SLC25A25: variants seen among roughly 807,000 people sequenced by gnomAD.
SLC25A25 encodes the protein solute carrier family 25 member 25, also known as mitochondrial adenyl nucleotide antiporter SLC25A25.
Under a neutral mutation model 57.7 loss-of-function variants are expected in SLC25A25, and 32 were observed. The ratio of observed to expected loss-of-function variants is 0.55; its 90% CI spans 0.42 to 0.74. The LOEUF (loss-of-function observed/expected upper bound fraction) is 0.74, where lower values mean the gene tolerates loss of function less well. SLC25A25 is among the 30% of genes least tolerant of loss of function. The probability of loss-of-function intolerance (pLI) is 0.00; values close to 1 mark genes in which losing one functional copy is unlikely to be tolerated. For missense variants in SLC25A25, 556 were observed against 701.3 expected, an observed-to-expected ratio of 0.79 and a Z score of 2.34; for synonymous variants, 306 against 291.2, an observed-to-expected ratio of 1.05 and a Z score of -0.52.
Position 128,103,587 on chromosome 9 carries a change from T to C in SLC25A25, c.625-94T>C, listed in dbSNP as rs1452798419. On this transcript the variant is annotated intron_variant, in intron 5 of 10. Coordinates refer to ENST00000373069, the MANE Select transcript of SLC25A25 (RefSeq NM_001330988.2). The surrounding 1 kb of genome is among the most constrained non-coding windows in gnomAD (Gnocchi z 6.7). ...GGCCTTCTCCCTGTCCTGTGGTCCC[T>C]GGCCTGGAGCCGTGCTAGAGGGTAG... is the stretch of plus-strand genomic sequence containing the variant. 2.6e-6 allele frequency: 4 copies of C among 1,537,122 alleles called. No homozygotes were observed. The highest frequency in any genetic ancestry group is 3.6e-6 in the Non-Finnish European group (4 of 1,117,036).
In SLC25A25 at chr9:128,101,583, G is replaced by A. The variant is rs1027218211; in HGVS notation, c.476+187G>A. Among the ~76,000 whole-genome samples the A allele has an allele frequency of 6.6e-6, 1 of 152,068 alleles. No homozygotes were observed. Among genetic ancestry groups the A allele is most frequent in the Non-Finnish European group, 1.5e-5 (1 of 68,022 alleles). ...GGTTGCAGGCCTGCTTTCATTGGAA[G>A]AATCACAGATCACCTGGAATTTTGC... On this transcript the variant is annotated intron_variant, in intron 3 of 10. Coordinates refer to ENST00000373069, the MANE Select transcript of SLC25A25 (RefSeq NM_001330988.2). This position sits in a 1 kb window ranked among gnomAD's most constrained non-coding sequence, Gnocchi z 4.9.
intron 1 of SLC25A25, among the ~76,000 whole-genome samples, chr9:128,088,049 T>G (rs1214888856): frequency 6.6e-6 from 1 of 152,236 alleles, no homozygotes; most frequent in African/African-American, 2.4e-5. Context: ...TTTTCCTGCT[T>G]CTTTGTAGTT....
chr9:128,106,984 A>G (rs374742174), intron 9 of SLC25A25, 45 bp from the exon 10 acceptor site: 3 of 1,590,084 alleles, frequency 1.9e-6, no homozygotes, highest in African/African-American at 2.7e-5. Context: ...TTGCTGCCTC[A>G]CTAGCCCTTC....
chr9:128,068,405 C>T lies in SLC25A25; in HGVS notation c.86C>T (p.Pro29Leu), dbSNP rs1258880715. 6.4e-7 allele frequency: 1 copy of T among 1,559,160 alleles called. No individual in the cohort carries two copies. The highest frequency in any genetic ancestry group is 8.6e-7 in the Non-Finnish European group (1 of 1,162,110). The part of the protein sequence containing the change: ...ATAASSSASS[P>L]ASVGDPCGGA... ...GCCGCCTCTTCGTCTGCCTCATCGCCGGCGTCCGTGGGGGACCCCTGCGGC... is the reference window on the plus strand; with the variant it reads ...GCCGCCTCTTCGTCTGCCTCATCGCTGGCGTCCGTGGGGGACCCCTGCGGC... The change falls in exon 1 of 11, where the codon CCG becomes CTG. Residue 29 changes from proline to leucine, a missense_variant. Pro to Leu is a moderately conservative substitution (Grantham distance 98). This residue lies in a region of SLC25A25 where 248 missense variants were observed against 273.5 expected (regional missense o/e 0.91). Transcript: ENST00000373069.
rs916928367 is a variant in SLC25A25, at chr9:128,095,767, G to A, written c.262-5329G>A. On this transcript the variant is annotated intron_variant, in intron 1 of 10. Coordinates refer to ENST00000373069, the MANE Select transcript of SLC25A25 (RefSeq NM_001330988.2). This position sits in a 1 kb window ranked among gnomAD's most constrained non-coding sequence, Gnocchi z 4.4. ...GGAGGTTGTAGTGAGCCAAGATCGC[G>A]CCACTGCACTCCAGCCTGGGCGACA... Among the ~76,000 whole-genome samples, 7 of 152,078 alleles carry A rather than the reference G, an allele frequency of 4.6e-5. No individual in the cohort carries two copies. Among genetic ancestry groups the A allele is most frequent in the African/African-American group, 1.4e-4 (6 of 41,402 alleles).
chr9:128,094,578 G>A (rs1037278920), intron 1 of SLC25A25: 17 of 152,208 alleles, frequency 1.1e-4, no homozygotes, highest in Non-Finnish European at 2.1e-4. Flanking sequence ...GGGCTTGAGC[G>A]GCTGGATGCT....
chr9:128,106,073 A>C, intron 7 of SLC25A25, 77 bp from the exon 8 acceptor site: 7 of 1,580,996 alleles, frequency 4.4e-6, no homozygotes, highest in Non-Finnish European at 6.1e-6. Flanking sequence ...TGTGCCGGGG[A>C]CTCCTGGAAG....
chr9:128,105,946 T>C, intron 7 of SLC25A25, 65 bp downstream of exon 7: 3 of 1,584,360 alleles, frequency 1.9e-6, no homozygotes, highest in Middle Eastern at 1.7e-4. Flanking sequence ...ACTTGCTGGC[T>C]TTCCCTGGGC....
rs149298725 is a variant in SLC25A25, at chr9:128,106,619, A to G, written c.1212+99A>G. 330 of 1,390,874 alleles carry G rather than the reference A, an allele frequency of 2.4e-4. 1 individual carries two copies. The Middle Eastern group carries it at 4.7e-3, about 20-fold the overall frequency. 86.2% of individuals were successfully genotyped at this position (1,390,874 alleles called of 1,614,324 possible). A position where few individuals can be genotyped will look rare whatever the true frequency, so the allele number is the denominator to read the frequency against. On this transcript the variant is annotated intron_variant, in intron 9 of 10. Transcript: ENST00000373069. ...ACGCGTGGTTAGTGCAGGAAACTGCATCAAAGACTGCGCCTCCTTCCTGCT... is the reference window on the plus strand; with the variant it reads ...ACGCGTGGTTAGTGCAGGAAACTGCGTCAAAGACTGCGCCTCCTTCCTGCT...
intron 1 of SLC25A25, among the ~76,000 whole-genome samples, chr9:128,082,359 A>G (rs1032549918): frequency 9.9e-5 from 15 of 152,192 alleles, no homozygotes; most frequent in Middle Eastern, 3.4e-3. Context: ...TCATTGTCCA[A>G]TTGTTGCTGA....
At chr9:128,097,356 T>C (rs1359846250) in intron 1 of SLC25A25, among the ~76,000 whole-genome samples, 12 of 152,270 alleles carry the variant, frequency 7.9e-5, no homozygotes, top group Admixed American at 6.5e-4. Flanking sequence ...AAGTTTCCGC[T>C]GTGGCAGAAA....
chr9:128,086,942 C>T (rs1833289227), intron 1 of SLC25A25, among the ~76,000 whole-genome samples: 1 of 152,096 alleles, frequency 6.6e-6, no homozygotes, highest in South Asian at 2.1e-4. Context: ...AGGCTGGGAG[C>T]AGTGGCTCAT....
chr9:128,084,953 C>T (rs1833242970), intron 1 of SLC25A25, among the ~76,000 whole-genome samples: 1 of 152,126 alleles, frequency 6.6e-6, no homozygotes, highest in Non-Finnish European at 1.5e-5. Context: ...ATTCATCCTA[C>T]CCAAGAAAGC....
rs1463716671 is a variant in SLC25A25 at position 128,105,641 on chromosome 9, G to GC, written c.784-87dup. ...GGAAGAAAGGGCCTTCCCTTTGGCC[G>GC]CAGCCGGTTGGCCAGCAGAGGCTCT... is the stretch of plus-strand genomic sequence containing the variant. On this transcript the variant is annotated intron_variant, in intron 6 of 10. Coordinates refer to ENST00000373069, the MANE Select transcript of SLC25A25 (RefSeq NM_001330988.2). 6.3e-6 allele frequency: 10 copies of GC among 1,596,630 alleles called. No homozygotes were observed. In the Admixed American group the frequency reaches 1.7e-4, roughly 27 times the overall value.
rs1241967266 is a variant in SLC25A25 at position 128,098,868 on chromosome 9, T to TGGCC, written c.262-2224_262-2221dup. 2.7e-6 allele frequency: 4 copies of TGGCC among 1,490,246 alleles called. No individual in the cohort carries two copies. In the East Asian group the frequency reaches 7.0e-5, roughly 26 times the overall value. The allele number at this position is 1,490,246 out of a possible 1,614,324, so 92.3% of individuals were successfully genotyped here. A position where few individuals can be genotyped will look rare whatever the true frequency, so the allele number is the denominator to read the frequency against. The stretch of plus-strand genomic sequence containing the variant: ...GTTTTTTCCCATTGCCATGCGGCTA[T>TGGCC]GGCCGGCACGTGTACGTCACAGGAG... On this transcript the variant is annotated intron_variant, in intron 1 of 10. Transcript: ENST00000373069.
Position 128,102,550 on chromosome 9 carries a change from C to A in SLC25A25, c.624+69C>A. On this transcript the variant is annotated intron_variant, in intron 5 of 10. Coordinates refer to ENST00000373069, the MANE Select transcript of SLC25A25 (RefSeq NM_001330988.2). The surrounding 1 kb of genome is among the most constrained non-coding windows in gnomAD (Gnocchi z 4.1). ...CTTAGCCCAGAGTCACCCAGTCGTCCCCATCCCAGAGTGCAGCTGGGGCTT... is the reference window on the plus strand; with the variant it reads ...CTTAGCCCAGAGTCACCCAGTCGTCACCATCCCAGAGTGCAGCTGGGGCTT... 1 of 1,316,206 alleles carries A rather than the reference C, an allele frequency of 7.6e-7. No homozygotes were observed. Among genetic ancestry groups the A allele is most frequent in the Non-Finnish European group, 1.1e-6 (1 of 937,796 alleles). 81.5% of individuals were successfully genotyped at this position (1,316,206 alleles called of 1,614,324 possible). A position where few individuals can be genotyped will look rare whatever the true frequency, so the allele number is the denominator to read the frequency against.
At chr9:128,071,668 C>T (rs1385266249) in intron 1 of SLC25A25, among the ~76,000 whole-genome samples, 2 of 149,996 alleles carry the variant, frequency 1.3e-5, no homozygotes, top group African/African-American at 4.9e-5. Context: ...CGCCTTGGCC[C>T]CCCAAAGCAC....
chr9:128,106,891 G>GCAGCCAGGCTAGGAGCC, intron 9 of SLC25A25, 138 bp from the exon 10 acceptor site: 3 of 1,041,022 alleles, frequency 2.9e-6, no homozygotes, highest in South Asian at 1.5e-5. Context: ...CAGAAACAGG[G>GCAGCCAGGCTAGGAGCC]CAGCCAGGCT....
Position 128,068,357 on chromosome 9 carries a change from C to T in SLC25A25, c.38C>T (p.Pro13Leu), listed in dbSNP as rs767084559. Residue 13 changes from proline (P) to leucine (L), a missense_variant, in exon 1 of 11, where the codon CCG becomes CTG. By Grantham distance (98) the Pro-to-Leu change is moderately conservative (BLOSUM62 -3). This residue lies in a region of SLC25A25 where 248 missense variants were observed against 273.5 expected (regional missense o/e 0.91). Coordinates refer to ENST00000373069, the MANE Select transcript of SLC25A25 (RefSeq NM_001330988.2). Reference sequence around the variant, plus strand: ...GTGTTGTGCCGCTGTGTGGCCTCCCCGCCGCCGGACGCCGCCGCCACCGCC... The same window carrying T: ...GTGTTGTGCCGCTGTGTGGCCTCCCTGCCGCCGGACGCCGCCGCCACCGCC... Reference protein sequence around the residue: ...SSVLCRCVASPPPDAAATAAS... With the variant: ...SSVLCRCVASLPPDAAATAAS... 1 of 1,539,142 alleles carries T rather than the reference C, an allele frequency of 6.5e-7. No individual in the cohort carries two copies. The highest frequency in any genetic ancestry group is 1.4e-5 in the African/African-American group (1 of 70,420).
Sources: gnomAD v4.1 joint callset for allele counts (sites outside exome capture counted in the v4.1 genomes callset) on GRCh38, gnomAD v4.1.1 for gene constraint, gnomAD v4.1.1 regional missense constraint, Gnocchi (gnomAD v3.1) non-coding constraint, MANE v1.5 for transcripts, NCBI Gene and HGNC (gene_info 2026-07-23, HGNC 2026-07-21) for gene names.